Variants in APCDD1L observed in about 807,000 individuals in gnomAD.
APCDD1L encodes APC down-regulated 1 like.
In APCDD1L, 21 loss-of-function variants were observed where a neutral mutation model predicts 24.2. The ratio of observed to expected loss-of-function variants is 0.87; its 90% CI spans 0.61 to 1.25. The LOEUF (loss-of-function observed/expected upper bound fraction) is 1.25, where lower values mean the gene tolerates loss of function less well. Ranked by LOEUF, APCDD1L falls within the 50% of genes most tolerant of loss-of-function variation. The pLI is 0.00. For missense variants in APCDD1L, 704 were observed against 711.7 expected (o/e 0.99, Z 0.12); for synonymous variants, 321 against 323.6 (o/e 0.99, Z 0.09).
At chr20:58,482,043 A>C (rs911799562) in intron 1 of APCDD1L, among the ~76,000 whole-genome samples, 1 of 152,240 alleles carries the variant, frequency 6.6e-6, no homozygotes, top group Non-Finnish European at 1.5e-5. Context: ...GCCTCTCCCC[A>C]AAGACACATA....
chr20:58,463,270 T>C (rs926130529), intron 3 of APCDD1L, among the ~76,000 whole-genome samples: 2 of 152,152 alleles, frequency 1.3e-5, no homozygotes, highest in South Asian at 2.1e-4. Flanking sequence ...TTATTTGTTA[T>C]AGGGAAAACC....
In APCDD1L at chr20:58,461,081, C is replaced by T. The variant is rs1206780556; in HGVS notation, c.1215G>A (p.Arg405=). Reference sequence around the variant, plus strand: ...AAAGCTCGTACTCCACATGCGGGAGCCGGATGCCCAGCGGTAGGCAGCCGT... The same window carrying T: ...AAAGCTCGTACTCCACATGCGGGAGTCGGATGCCCAGCGGTAGGCAGCCGT... ...ATNGCLPLGI[R]LPHVEYELFK... The change falls in exon 4 of 4, where the codon CGG becomes CGA. Residue 405 remains arginine, a synonymous_variant. Coordinates refer to ENST00000371149, the MANE Select transcript of APCDD1L (RefSeq NM_153360.3). This position sits in a 1 kb window ranked among gnomAD's most constrained non-coding sequence, Gnocchi z 6.0. 2 of 1,613,944 alleles carry T rather than the reference C, an allele frequency of 1.2e-6. No individual in the cohort carries two copies. The highest frequency in any genetic ancestry group is 2.7e-5 in the African/African-American group (2 of 74,882).
At chr20:58,478,211 T>G (rs1989948810) in intron 1 of APCDD1L, among the ~76,000 whole-genome samples, 1 of 152,144 alleles carries the variant, frequency 6.6e-6, no homozygotes, top group Admixed American at 6.5e-5. Flanking sequence ...TCATTTTGTA[T>G]TTTTTTCAGT....
chr20:58,467,540 A>T lies in APCDD1L; in HGVS notation c.307T>A (p.Ser103Thr). Residue 103 changes from serine (S) to threonine (T), a missense_variant, in exon 3 of 4, where the codon TCG (serine) becomes ACG (threonine). Ser to Thr is a moderately conservative substitution (Grantham distance 58). Coordinates refer to ENST00000371149, the MANE Select transcript of APCDD1L (RefSeq NM_153360.3). The surrounding 1 kb of genome is among the most constrained non-coding windows in gnomAD (Gnocchi z 5.9). Reference protein sequence around the residue: ...EDPFCGEPAHSLLVKGKVRLR... With the variant: ...EDPFCGEPAHTLLVKGKVRLR... ...CGGACTTTGCCCTTGACGAGCAGCGAGTGGGCAGGTTCCCCGCAGAAGGGG... is the reference window on the plus strand; with the variant it reads ...CGGACTTTGCCCTTGACGAGCAGCGTGTGGGCAGGTTCCCCGCAGAAGGGG... 6.3e-7 allele frequency: 1 copy of T among 1,588,326 alleles called. No individual in the cohort carries two copies. Among genetic ancestry groups the T allele is most frequent in the Non-Finnish European group, 8.6e-7 (1 of 1,167,520 alleles).
intron 1 of APCDD1L, among the ~76,000 whole-genome samples, chr20:58,495,415 G>A (rs1036805175): frequency 2.0e-5 from 3 of 152,178 alleles, no homozygotes; most frequent in Non-Finnish European, 4.4e-5. Flanking sequence ...CTTATCAAAC[G>A]CTGCAGGGCT....
chr20:58,485,143 T>TACACACACACACAC (rs3069429), intron 1 of APCDD1L, among the ~76,000 whole-genome samples: 1 of 149,600 alleles, frequency 6.7e-6, no homozygotes, highest in African/African-American at 2.5e-5. Flanking sequence ...TAGGTTGTGG[T>TACACACACACACAC]ACACACACAC....
Position 58,470,651 on chromosome 20 carries a change from G to A in APCDD1L, c.146C>T (p.Ala49Val), listed in dbSNP as rs780236950. Reference protein sequence around the residue: ...QPLPDRVPSTAILPPRLNGPW... With the variant: ...QPLPDRVPSTVILPPRLNGPW... ...TCCATTAAGGCGTGGAGGCAGGATCGCAGTGCTGGGCACTCTATCTGGCAA... is the reference window on the plus strand; with the variant it reads ...TCCATTAAGGCGTGGAGGCAGGATCACAGTGCTGGGCACTCTATCTGGCAA... Residue 49 changes from alanine to valine, a missense_variant, in exon 2 of 4, where the codon GCG (alanine) becomes GTG (valine). Ala to Val is a moderately conservative substitution (Grantham distance 64). Transcript: ENST00000371149. The A allele has an allele frequency of 7.6e-6, 12 of 1,575,906 alleles. No homozygotes were observed. Among genetic ancestry groups the A allele is most frequent in the Admixed American group, 5.6e-5 (3 of 53,708 alleles).
At position 58,466,125 on chromosome 20, in the gene APCDD1L, C is replaced by CAAAAA. The variant is rs35123325; in HGVS notation, c.741+976_741+980dup. Among the ~76,000 whole-genome samples the CAAAAA allele has an allele frequency of 2.9e-3, 351 of 120,344 alleles. 7 individuals are homozygous for CAAAAA. The highest frequency in any genetic ancestry group is 9.1e-3 in the Middle Eastern group (2 of 220). 79.0% of individuals were successfully genotyped at this position (120,344 alleles called of 152,430 possible). A position where few individuals can be genotyped will look rare whatever the true frequency, so the allele number is the denominator to read the frequency against. On this transcript the variant is annotated intron_variant, in intron 3 of 3. Transcript: ENST00000371149. ...TCTTTCTGCCTGTTTGCTCATCTGG[C>CAAAAA]AAAAAAAAAAAAAAAAAAGTGTGCT... is the stretch of plus-strand genomic sequence containing the variant.
intron 1 of APCDD1L, among the ~76,000 whole-genome samples, chr20:58,481,720 C>G (rs1339594878): frequency 6.6e-6 from 1 of 152,148 alleles, no homozygotes; most frequent in East Asian, 1.9e-4. Context: ...AGTGGCGAAC[C>G]CTCACCCCGC....
At chr20:58,475,021 A>C (rs956835459) in intron 1 of APCDD1L, among the ~76,000 whole-genome samples, 2 of 152,026 alleles carry the variant, frequency 1.3e-5, no homozygotes. Flanking sequence ...ATTCTCCTAG[A>C]TGGGTGTGGT....
chr20:58,490,892 C>T (rs1990213500), intron 1 of APCDD1L, among the ~76,000 whole-genome samples: 1 of 152,034 alleles, frequency 6.6e-6, no homozygotes, highest in Non-Finnish European at 1.5e-5. Flanking sequence ...TTGTGAAAGT[C>T]GTAAGTAAAA....
intron 1 of APCDD1L, among the ~76,000 whole-genome samples, chr20:58,493,839 G>T (rs937687424): frequency 1.3e-5 from 2 of 152,182 alleles, no homozygotes; most frequent in African/African-American, 2.4e-5. Flanking sequence ...TTAACAACAC[G>T]ACACCAGAGT....
intron 1 of APCDD1L, among the ~76,000 whole-genome samples, chr20:58,492,664 T>C (rs1054769944): frequency 6.6e-6 from 1 of 152,258 alleles, no homozygotes; most frequent in Non-Finnish European, 1.5e-5. Flanking sequence ...TTTACAAACA[T>C]TTTCTGTGAA....
At chr20:58,474,880 C>T (rs184716656) in intron 1 of APCDD1L, among the ~76,000 whole-genome samples, 34 of 152,218 alleles carry the variant, frequency 2.2e-4, no homozygotes, top group East Asian at 1.7e-3. Context: ...CAGTCACTCC[C>T]GCTCCCCTCT....
At chr20:58,490,789 G>A (rs999087530) in intron 1 of APCDD1L, among the ~76,000 whole-genome samples, 1 of 152,200 alleles carries the variant, frequency 6.6e-6, no homozygotes, top group African/African-American at 2.4e-5. Context: ...GCAAGACAGA[G>A]ACCCTGAATC....
intron 1 of APCDD1L, chr20:58,513,744 G>A (rs1990679406): frequency 2.0e-6 from 1 of 512,116 alleles, no homozygotes; most frequent in Non-Finnish European, 3.7e-6. Context: ...CATCCCAGAC[G>A]GAGGAGGGGA....
At position 58,459,511 on chromosome 20, in the gene APCDD1L, G is replaced by A. The variant is rs1426210751; in HGVS notation, c.*1279C>T. ...TTCAAAATCTGTGATAAGAGCTAGA[G>A]ATAGGGATCAGGAGGAGGAAGGAGG... is the stretch of plus-strand genomic sequence containing the variant. On this transcript the variant is annotated 3_prime_UTR_variant, in exon 4 of 4. Transcript: ENST00000371149. 1 of 152,288 alleles carries A rather than the reference G, an allele frequency of 6.6e-6. No individual in the cohort carries two copies. Among genetic ancestry groups the A allele is most frequent in the Non-Finnish European group, 1.5e-5 (1 of 68,096 alleles). 9.4% of individuals were successfully genotyped at this position (152,288 alleles called of 1,614,324 possible).
rs1421802547 is a variant in APCDD1L, at chr20:58,461,290, A to AGC, written c.1004_1005dup (p.Tyr336AlafsTer26). The AGC allele has an allele frequency of 3.1e-6, 5 of 1,611,856 alleles. No homozygotes were observed. The highest frequency in any genetic ancestry group is 4.2e-6 in the Non-Finnish European group (5 of 1,178,786). On this transcript the variant is annotated frameshift_variant, in exon 4 of 4. Transcript: ENST00000371149. LOFTEE classifies it low-confidence loss of function (END_TRUNC). The surrounding 1 kb of genome is among the most constrained non-coding windows in gnomAD (Gnocchi z 6.0). ...CTGGTGGATGGCGTGCCCCTGGTGT[A>AGC]GCGGCCGGCGGCATACACGGTGAAG...
chr20:58,491,091 T>C (rs954221678), intron 1 of APCDD1L, among the ~76,000 whole-genome samples: 1 of 152,170 alleles, frequency 6.6e-6, no homozygotes, highest in Non-Finnish European at 1.5e-5. Context: ...AAATGAGAAA[T>C]AGTTTGATAT....
Sources: gnomAD v4.1 joint callset for allele counts (sites outside exome capture counted in the v4.1 genomes callset) on GRCh38, gnomAD v4.1.1 for gene constraint, Gnocchi (gnomAD v3.1) non-coding constraint, MANE v1.5 for transcripts, NCBI Gene and HGNC (gene_info 2026-07-23, HGNC 2026-07-21) for gene names.